The following HACD4 variants were observed in gnomAD, a reference collection of about 807,000 sequenced individuals.
HACD4 encodes the protein 3-hydroxyacyl-CoA dehydratase 4.
Under a neutral mutation model 33.3 loss-of-function variants are expected in HACD4, and 35 were observed. The observed-to-expected ratio is 1.05, with a 90% CI of 0.80 to 1.39. The LOEUF (loss-of-function observed/expected upper bound fraction) is 1.39. Ranked by LOEUF, HACD4 falls within the 40% of genes most tolerant of loss-of-function variation. The pLI is 0.00. For synonymous variants in HACD4, 118 were observed against 98.0 expected (o/e 1.20, Z -1.21); for missense variants, 323 against 276.5 (o/e 1.17, Z -1.19).
chr9:21,016,158 G>A (rs571591658), intron 3 of HACD4, 148 bp from the exon 4 acceptor site: 7 of 529,354 alleles, frequency 1.3e-5, no homozygotes, highest in Non-Finnish European at 2.0e-5. Context: ...CCCTCTGAGA[G>A]AGTAGGGTTA....
chr9:21,029,548 T>A (rs561435829), intron 1 of HACD4, 150 bp from the exon 2 acceptor site: 1 of 475,688 alleles, frequency 2.1e-6, no homozygotes, highest in Admixed American at 4.1e-5. Context: ...CAAGTACATA[T>A]CAGATTTTGA....
rs1842170341 is a variant in HACD4, at chr9:21,001,824, G to A, written c.*5213C>T. 6.6e-6 allele frequency: 1 copy of A among 152,034 alleles called. No homozygotes were observed. The highest frequency in any genetic ancestry group is 6.6e-5 in the Admixed American group (1 of 15,256). The allele number at this position is 152,034 out of a possible 1,614,324, so 9.4% of individuals were successfully genotyped here. On this transcript the variant is annotated 3_prime_UTR_variant, in exon 7 of 7. Transcript: ENST00000495827. ...TTAAGACATCCCCAGATAAACAAAA[G>A]CTGAGAAAGTATGTTACCACTAGAC...
chr9:21,011,650 G>C lies in HACD4; in HGVS notation c.429C>G (p.Val143=), dbSNP rs185434744. The C allele has an allele frequency of 1.1e-5, 17 of 1,611,186 alleles. No homozygotes were observed. The African/African-American group carries it at 2.0e-4, about 19-fold the overall frequency. The change falls in exon 5 of 7, where the codon GTC becomes GTG. Residue 143 remains valine (V), a synonymous_variant. Coordinates refer to ENST00000495827, the MANE Select transcript of HACD4 (RefSeq NM_001010915.5). ...MLSVIGISYA[V]LTWLSQTLWM... ...ATAGTGTTTGACTGAGCCATGTCAAGACAGCATAGGATATTCCTATGACTG... is the reference window on the plus strand; with the variant it reads ...ATAGTGTTTGACTGAGCCATGTCAACACAGCATAGGATATTCCTATGACTG...
In HACD4 at chr9:21,001,749, A is replaced by G. The variant is rs1402241127; in HGVS notation, c.*5288T>C. Reference sequence around the variant, plus strand: ...GTGTTAGGAAAAAAATATATCATCAACCACATTTCCTGTATTTGACAAAAC... The same window carrying G: ...GTGTTAGGAAAAAAATATATCATCAGCCACATTTCCTGTATTTGACAAAAC... On this transcript the variant is annotated 3_prime_UTR_variant, in exon 7 of 7. Transcript: ENST00000495827. The G allele has an allele frequency of 1.1e-4, 17 of 152,158 alleles. No homozygotes were observed. Among genetic ancestry groups the G allele is most frequent in the Admixed American group, 1.0e-3 (16 of 15,254 alleles). The allele number at this position is 152,158 out of a possible 1,614,324, so 9.4% of individuals were successfully genotyped here. A position where few individuals can be genotyped will look rare whatever the true frequency, so the allele number is the denominator to read the frequency against.
intron 1 of HACD4, among the ~76,000 whole-genome samples, chr9:21,031,152 C>T (rs557203774): frequency 1.3e-5 from 2 of 152,214 alleles, no homozygotes; most frequent in African/African-American, 4.8e-5. Flanking sequence ...AATCTGTTCC[C>T]CGCCGGAACT....
At chr9:21,016,909 G>A (rs1842568973) in intron 3 of HACD4, among the ~76,000 whole-genome samples, 1 of 150,938 alleles carries the variant, frequency 6.6e-6, no homozygotes, top group Admixed American at 6.6e-5. Flanking sequence ...ACACATTTTT[G>A]GCTTAGCCCC....
chr9:21,026,392 A>G (rs1384227292), intron 3 of HACD4, among the ~76,000 whole-genome samples: 1 of 152,248 alleles, frequency 6.6e-6, no homozygotes, highest in Non-Finnish European at 1.5e-5. Flanking sequence ...AAGATCAGCA[A>G]GCATCACTGC....
intron 2 of HACD4, among the ~76,000 whole-genome samples, chr9:21,027,509 T>G (rs2132802715): frequency 6.6e-6 from 1 of 152,362 alleles, no homozygotes; most frequent in South Asian, 2.1e-4. Flanking sequence ...TAAGGATTTC[T>G]CTTCTCGGCA....
Position 21,006,303 on chromosome 9 carries a change from A to ATC in HACD4, c.*732_*733dup, listed in dbSNP as rs1564267468. The ATC allele has an allele frequency of 6.6e-6, 1 of 152,202 alleles. No homozygotes were observed. The highest frequency in any genetic ancestry group is 2.4e-5 in the African/African-American group (1 of 41,368). The allele number at this position is 152,202 out of a possible 1,614,324, so 9.4% of individuals were successfully genotyped here. ...CATTATAAGAGACATAAGAGAGTTG[A>ATC]TCTCTCTCTCATGTGAGGACAAAGA... On this transcript the variant is annotated 3_prime_UTR_variant, in exon 7 of 7. Transcript: ENST00000495827. The surrounding 1 kb of genome is among the most constrained non-coding windows in gnomAD (Gnocchi z 4.6).
At chr9:21,022,757 T>C (rs1459820465) in intron 3 of HACD4, among the ~76,000 whole-genome samples, 11 of 151,734 alleles carry the variant, frequency 7.2e-5, no homozygotes, top group African/African-American at 2.7e-4. Context: ...GGAACACTTT[T>C]ACACTGTTGG....
intron 3 of HACD4, chr9:21,017,845 C>T (rs1817802565): frequency 6.6e-6 from 1 of 152,120 alleles, no homozygotes; most frequent in African/African-American, 2.4e-5. Context: ...TCCTGGTTTC[C>T]AGAGTTGTAA....
At chr9:21,007,685 C>T (rs1348954375) in intron 6 of HACD4, among the ~76,000 whole-genome samples, 1 of 152,116 alleles carries the variant, frequency 6.6e-6, no homozygotes, top group East Asian at 1.9e-4. Context: ...ATGGAAACAT[C>T]AGAAATAGCC....
In HACD4 at chr9:21,001,855, C is replaced by T. The variant is rs899043731; in HGVS notation, c.*5182G>A. 3.9e-5 allele frequency: 6 copies of T among 152,034 alleles called. No individual in the cohort carries two copies. Among genetic ancestry groups the T allele is most frequent in the African/African-American group, 1.4e-4 (6 of 41,408 alleles). The allele number at this position is 152,034 out of a possible 1,614,324, so 9.4% of individuals were successfully genotyped here. A position where few individuals can be genotyped will look rare whatever the true frequency, so the allele number is the denominator to read the frequency against. On this transcript the variant is annotated 3_prime_UTR_variant, in exon 7 of 7. Coordinates refer to ENST00000495827, the MANE Select transcript of HACD4 (RefSeq NM_001010915.5). ...AAAGTATGTTACCACTAGACCTGCC[C>T]CTGCCAGAAATGCTAATAGGGGTCC...
Position 21,002,597 on chromosome 9 carries a change from A to AT in HACD4, c.*4439dup, listed in dbSNP as rs911585622. On this transcript the variant is annotated 3_prime_UTR_variant, in exon 7 of 7. Transcript: ENST00000495827. The stretch of plus-strand genomic sequence containing the variant: ...AACCATTGCTTAATGAGTATAGGGT[A>AT]TAAGTTTTGCAAGGTAAAAAAAGTT... 4 of 152,156 alleles carry AT rather than the reference A, an allele frequency of 2.6e-5. No homozygotes were observed. The highest frequency in any genetic ancestry group is 9.7e-5 in the African/African-American group (4 of 41,446). 9.4% of individuals were successfully genotyped at this position (152,156 alleles called of 1,614,324 possible).
At chr9:21,010,228 T>A (rs117304341) in intron 5 of HACD4, among the ~76,000 whole-genome samples, 1 of 152,208 alleles carries the variant, frequency 6.6e-6, no homozygotes, top group African/African-American at 2.4e-5. Flanking sequence ...TACAGAATGC[T>A]CCTTACCAGT....
chr9:21,021,645 T>C lies in HACD4; in HGVS notation c.270+4951A>G, dbSNP rs370715150. ...CCATTCACAATTGCTTCAAAGAGAA[T>C]AAAATACCTAGGAATCCAACTTAAA... On this transcript the variant is annotated intron_variant, in intron 3 of 6. Transcript: ENST00000495827. Among the ~76,000 whole-genome samples, 956 of 152,034 alleles carry C rather than the reference T, an allele frequency of 6.3e-3. 8 individuals are homozygous for C. Among genetic ancestry groups the C allele is most frequent in the Non-Finnish European group, 0.012 (786 of 67,980 alleles).
chr9:21,020,472 G>A (rs1189142693), intron 3 of HACD4, among the ~76,000 whole-genome samples: 1 of 152,012 alleles, frequency 6.6e-6, no homozygotes, highest in Non-Finnish European at 1.5e-5. Flanking sequence ...CAAGCAAACT[G>A]AACAAAGCCC....
At chr9:21,019,265 T>C (rs538127078) in intron 3 of HACD4, among the ~76,000 whole-genome samples, 4 of 152,258 alleles carry the variant, frequency 2.6e-5, no homozygotes, top group African/African-American at 9.6e-5. Flanking sequence ...AAATGTAGCA[T>C]AATAGTTGAG....
chr9:21,010,456 A>ATCC lies in HACD4; in HGVS notation c.490+1132_490+1133insGGA, dbSNP rs1353043927. On this transcript the variant is annotated intron_variant, in intron 5 of 6. Transcript: ENST00000495827. ...AAGAAACAGACTCAGACATCCTGGT[A>ATCC]CCCCCCCCCCCCCCAGAGCTTACAG... Among the ~76,000 whole-genome samples, 744 of 104,634 alleles carry ATCC rather than the reference A, an allele frequency of 7.1e-3. 79 individuals are homozygous for ATCC. The highest frequency in any genetic ancestry group is 0.015 in the African/African-American group (331 of 22,484). 68.6% of individuals were successfully genotyped at this position (104,634 alleles called of 152,430 possible).
Sources: gnomAD v4.1 joint callset for allele counts (sites outside exome capture counted in the v4.1 genomes callset) on GRCh38, gnomAD v4.1.1 for gene constraint, Gnocchi (gnomAD v3.1) non-coding constraint, MANE v1.5 for transcripts, NCBI Gene and HGNC (gene_info 2026-07-23, HGNC 2026-07-21) for gene names.